The following BOLL variants were observed in gnomAD, a reference collection of about 807,000 sequenced individuals.
BOLL encodes protein boule-like.
Under a neutral mutation model 44.4 loss-of-function variants are expected in BOLL, and 23 were observed. The ratio of observed to expected loss-of-function variants is 0.52; its 90% CI spans 0.37 to 0.73. The LOEUF (loss-of-function observed/expected upper bound fraction) is 0.73. Ranked by LOEUF, BOLL falls within the 30% of genes least tolerant of loss-of-function variation. BOLL has a pLI of 0.00. For missense variants in BOLL, 287 were observed against 338.3 expected (o/e 0.85, Z 1.19); for synonymous variants, 97 against 110.8 (o/e 0.88, Z 0.78).
Position 197,779,392 on chromosome 2 carries a change from A to G in BOLL, c.130-326T>C, listed in dbSNP as rs139565809. On this transcript the variant is annotated intron_variant, in intron 2 of 10. Transcript: ENST00000392296. ...TTTTAAAAAGCCAATTTGGATTAGG[A>G]ATGCTATTTCCATAGTAAGGGTACA... Among the ~76,000 whole-genome samples the G allele has an allele frequency of 8.0e-4, 121 of 152,118 alleles. 2 individuals carry two copies. The highest frequency in any genetic ancestry group is 2.7e-3 in the African/African-American group (111 of 41,560).
At chr2:197,733,842 G>A (rs938467988) in intron 10 of BOLL, among the ~76,000 whole-genome samples, 11 of 152,066 alleles carry the variant, frequency 7.2e-5, no homozygotes, top group Middle Eastern at 3.4e-3. Context: ...CATGTTAGAC[G>A]TAAAACCATA....
chr2:197,758,986 T>C, intron 7 of BOLL: 1 of 1,536,008 alleles, frequency 6.5e-7, no homozygotes, highest in Non-Finnish European at 8.7e-7. Context: ...ATCCATCTTC[T>C]TGTATGACAT....
chr2:197,734,723 A>G (rs1421514637), intron 10 of BOLL, among the ~76,000 whole-genome samples: 1 of 151,986 alleles, frequency 6.6e-6, no homozygotes, highest in Non-Finnish European at 1.5e-5. Flanking sequence ...AAAACCAAAC[A>G]CCGCATGTTC....
intron 6 of BOLL, among the ~76,000 whole-genome samples, chr2:197,766,937 C>A (rs930695554): frequency 2.6e-5 from 4 of 151,890 alleles, no homozygotes; most frequent in Non-Finnish European, 4.4e-5. Flanking sequence ...TAGGGTGACG[C>A]TGCCTGTTTC....
intron 10 of BOLL, among the ~76,000 whole-genome samples, chr2:197,735,776 C>A (rs1202534775): frequency 6.6e-6 from 1 of 152,078 alleles, no homozygotes; most frequent in Non-Finnish European, 1.5e-5. Flanking sequence ...TTAGTTTTTG[C>A]CTGTTTCGGA....
At chr2:197,760,813 GAGAA>G (rs767608130) in intron 7 of BOLL, among the ~76,000 whole-genome samples, 1 of 151,932 alleles carries the variant, frequency 6.6e-6, no homozygotes, top group East Asian at 1.9e-4. Flanking sequence ...AAAAGTCAAA[GAGAA>G]AGAAAGAATT....
intron 10 of BOLL, among the ~76,000 whole-genome samples, chr2:197,735,779 G>C (rs1687456271): frequency 2.6e-5 from 4 of 152,138 alleles, no homozygotes; most frequent in Non-Finnish European, 5.9e-5. Context: ...GTTTTTGCCT[G>C]TTTCGGAGAG....
intron 9 of BOLL, among the ~76,000 whole-genome samples, chr2:197,751,973 C>T (rs193009011): frequency 4.1e-4 from 63 of 152,294 alleles, no homozygotes; most frequent in Non-Finnish European, 4.4e-4. Flanking sequence ...GGCTTCATCC[C>T]TGGGATGCAA....
chr2:197,731,616 C>T (rs1574793222), intron 10 of BOLL, among the ~76,000 whole-genome samples: 1 of 143,526 alleles, frequency 7.0e-6, no homozygotes, highest in South Asian at 2.3e-4. Context: ...CAAACTATCT[C>T]TCAGACCACA....
rs1254139508 is a variant in BOLL, at chr2:197,777,051, G to A, written c.276+8C>T. On this transcript the variant is annotated splice_region_variant and intron_variant, in intron 4 of 10. Transcript: ENST00000392296. The stretch of plus-strand genomic sequence containing the variant: ...AGAAATGAAGTTAAATACACCAAAA[G>A]ATCATACCTCTTGTAAAATTTTTTG... 1 of 1,565,270 alleles carries A rather than the reference G, an allele frequency of 6.4e-7. No individual in the cohort carries two copies.
At chr2:197,739,882 T>C in intron 10 of BOLL, among the ~76,000 whole-genome samples, 1 of 152,340 alleles carries the variant, frequency 6.6e-6, no homozygotes, top group Non-Finnish European at 1.5e-5. Context: ...TCCATCACTT[T>C]GTGATATAGC....
At chr2:197,770,884 T>A (rs1206689735) in intron 6 of BOLL, among the ~76,000 whole-genome samples, 3 of 152,122 alleles carry the variant, frequency 2.0e-5, no homozygotes, top group Non-Finnish European at 4.4e-5. Flanking sequence ...ATAGGAGCAC[T>A]TTTACACTGT....
rs1001743995 is a variant in BOLL at position 197,737,508 on chromosome 2, A to C, written c.828+5553T>G. On this transcript the variant is annotated intron_variant, in intron 10 of 10. Coordinates refer to ENST00000392296, the MANE Select transcript of BOLL (RefSeq NM_033030.6). Reference sequence around the variant, plus strand: ...ATCTGAGGCTGTCTATTGTTTGACTATATATAGCATACATGAAAATTTATA... The same window carrying C: ...ATCTGAGGCTGTCTATTGTTTGACTCTATATAGCATACATGAAAATTTATA... 5.3e-5 allele frequency among the ~76,000 whole-genome samples: 8 copies of C among 152,164 alleles called. No homozygotes were observed. The East Asian group carries it at 1.5e-3, about 29-fold the overall frequency.
At chr2:197,782,736 C>T (rs1357113856) in intron 1 of BOLL, among the ~76,000 whole-genome samples, 1 of 152,108 alleles carries the variant, frequency 6.6e-6, no homozygotes, top group Non-Finnish European at 1.5e-5. Flanking sequence ...TAATGGTCAT[C>T]GACAAGTTAA....
intron 10 of BOLL, among the ~76,000 whole-genome samples, chr2:197,737,115 T>C (rs1473176773): frequency 6.6e-6 from 1 of 151,898 alleles, no homozygotes; most frequent in African/African-American, 2.4e-5. Flanking sequence ...TGCAATTGTT[T>C]CTTAAAGATC....
At chr2:197,779,268 A>G (rs766456486) in intron 2 of BOLL, among the ~76,000 whole-genome samples, 4 of 152,030 alleles carry the variant, frequency 2.6e-5, no homozygotes, top group Non-Finnish European at 4.4e-5. Flanking sequence ...TTGTTAAATT[A>G]CCATATGCCA....
At chr2:197,768,611 G>A (rs866006977) in intron 6 of BOLL, among the ~76,000 whole-genome samples, 4 of 151,290 alleles carry the variant, frequency 2.6e-5, no homozygotes, top group Admixed American at 6.6e-5. Context: ...TGGATTAGTC[G>A]ATACATAAAT....
chr2:197,742,356 C>T (rs1318024267), intron 10 of BOLL, among the ~76,000 whole-genome samples: 3 of 152,162 alleles, frequency 2.0e-5, no homozygotes, highest in Non-Finnish European at 2.9e-5. Flanking sequence ...TATAAAGACA[C>T]ATGCACACGT....
intron 7 of BOLL, among the ~76,000 whole-genome samples, chr2:197,761,277 C>T (rs528944198): frequency 1.3e-5 from 2 of 152,258 alleles, no homozygotes; most frequent in South Asian, 2.1e-4. Context: ...TGTCACTATA[C>T]TCTGTCTCTA....
Sources: allele counts gnomAD v4.1 joint callset (sites outside exome capture counted in the v4.1 genomes callset), GRCh38; gene constraint gnomAD v4.1.1; transcripts MANE v1.5; gene names NCBI Gene and HGNC (gene_info 2026-07-23, HGNC 2026-07-21).